CHD6: variants seen among roughly 807,000 people sequenced by gnomAD.
The protein encoded by CHD6 is chromodomain helicase DNA binding protein 6.
Under a neutral mutation model 276.9 loss-of-function variants are expected in CHD6, and 50 were observed. The ratio of observed to expected loss-of-function variants is 0.18; its 90% CI spans 0.14 to 0.23. The LOEUF is 0.23. Ranked by LOEUF, CHD6 falls within the 10% of genes least tolerant of loss-of-function variation. The pLI is 1.00. For synonymous variants in CHD6, 1,173 were observed against 1,229.3 expected (o/e 0.95, Z 0.96); for missense variants, 2,564 against 3,365.8 (o/e 0.76, Z 5.89).
intron 1 of CHD6, chr20:41,564,224 G>A (rs2045332020): frequency 3.4e-6 from 2 of 589,440 alleles, no homozygotes; most frequent in Non-Finnish European, 6.1e-6. Flanking sequence ...CATGTTTTGG[G>A]GCGCTAAAAA....
At chr20:41,548,798 A>T (rs951177612) in intron 2 of CHD6, among the ~76,000 whole-genome samples, 13 of 147,620 alleles carry the variant, frequency 8.8e-5, no homozygotes, top group African/African-American at 3.2e-4. Context: ...AATTTACAAG[A>T]AAAAAAAAAC....
intron 14 of CHD6, 83 bp downstream of exon 14, chr20:41,487,582 A>C: frequency 7.3e-7 from 1 of 1,366,244 alleles, no homozygotes; most frequent in Non-Finnish European, 1.0e-6. Flanking sequence ...AACTTGCTAA[A>C]TCCTGGCCCC....
chr20:41,585,148 A>AAT (rs2045580247), intron 1 of CHD6, among the ~76,000 whole-genome samples: 1 of 152,206 alleles, frequency 6.6e-6, no homozygotes, highest in South Asian at 2.1e-4. Flanking sequence ...TCTGTATATA[A>AAT]ATTTGAACTT....
At chr20:41,572,454 C>T (rs2045428241) in intron 1 of CHD6, among the ~76,000 whole-genome samples, 1 of 152,194 alleles carries the variant, frequency 6.6e-6, no homozygotes, top group African/African-American at 2.4e-5. Flanking sequence ...ACACAATAGC[C>T]TCCTGATGGC....
intron 26 of CHD6, among the ~76,000 whole-genome samples, chr20:41,437,813 T>C (rs1382879092): frequency 6.6e-6 from 1 of 152,150 alleles, no homozygotes; most frequent in Non-Finnish European, 1.5e-5. Context: ...TCTGAAGGCA[T>C]TCCAAGCCTT....
chr20:41,510,527 G>T (rs2044093647), intron 5 of CHD6, among the ~76,000 whole-genome samples: 1 of 152,108 alleles, frequency 6.6e-6, no homozygotes, highest in South Asian at 2.1e-4. Context: ...CTTAAATTTA[G>T]TAAATTTTTT....
chr20:41,580,984 C>T (rs1420404239), intron 1 of CHD6, among the ~76,000 whole-genome samples: 2 of 152,094 alleles, frequency 1.3e-5, no homozygotes, highest in East Asian at 3.9e-4. Context: ...ATATTCCAAG[C>T]AAAGGTGGTT....
intron 1 of CHD6, among the ~76,000 whole-genome samples, chr20:41,552,129 C>T (rs2146148923): frequency 6.6e-6 from 1 of 152,320 alleles, no homozygotes. Context: ...GGGCTGCCTG[C>T]ATCACTAACT....
Position 41,451,967 on chromosome 20 carries a change from T to C in CHD6, c.3382A>G (p.Lys1128Glu), listed in dbSNP as rs2048253231. ...HGRFKWHLNEKDMEMICRALL... is the reference protein window; with the variant it reads ...HGRFKWHLNEEDMEMICRALL... The stretch of plus-strand genomic sequence containing the variant: ...GCACGGCAAATCATCTCCATGTCCT[T>C]CTCGTTCAGATGCCACTTGAATCGG... The change falls in exon 22 of 37, where the codon AAG becomes GAG. Residue 1128 changes from lysine (K) to glutamate (E), a missense_variant. Physicochemically the swap from Lys to Glu is moderately conservative, Grantham distance 56. This residue lies in a region of CHD6 where 515 missense variants were observed against 739.5 expected (regional missense o/e 0.70). Transcript: ENST00000373233. The C allele has an allele frequency of 6.2e-7, 1 of 1,613,938 alleles. No homozygotes were observed. The highest frequency in any genetic ancestry group is 8.5e-7 in the Non-Finnish European group (1 of 1,179,988).
intron 25 of CHD6, among the ~76,000 whole-genome samples, chr20:41,444,458 C>T (rs778916360): frequency 6.6e-6 from 1 of 152,200 alleles, no homozygotes; most frequent in Non-Finnish European, 1.5e-5. Context: ...TTCTACCGGA[C>T]AGCACCGCTT....
At chr20:41,485,941 G>C (rs932929927) in intron 14 of CHD6, 1 of 151,386 alleles carries the variant, frequency 6.6e-6, no homozygotes, top group Middle Eastern at 3.2e-3. Context: ...ATATTTTGTC[G>C]ATTAAAAAAA....
At chr20:41,567,588 T>C (rs367710391) in intron 1 of CHD6, among the ~76,000 whole-genome samples, 2 of 151,900 alleles carry the variant, frequency 1.3e-5, no homozygotes, top group African/African-American at 4.8e-5. Context: ...CCATGGTGGC[T>C]TGTGGTTCAG....
At chr20:41,558,722 TCA>T (rs1332993852) in intron 1 of CHD6, among the ~76,000 whole-genome samples, 5 of 152,158 alleles carry the variant, frequency 3.3e-5, no homozygotes, top group Admixed American at 6.5e-5. Flanking sequence ...CTCCCCCTTC[TCA>T]GTCACCTCAG....
chr20:41,478,498 T>C (rs934536437), intron 16 of CHD6, among the ~76,000 whole-genome samples: 1 of 152,154 alleles, frequency 6.6e-6, no homozygotes, highest in Admixed American at 6.5e-5. Context: ...TGATCAGCTG[T>C]AATTGATAAA....
At chr20:41,504,159 T>C (rs2043916863) in intron 5 of CHD6, among the ~76,000 whole-genome samples, 1 of 151,284 alleles carries the variant, frequency 6.6e-6, no homozygotes, top group Non-Finnish European at 1.5e-5. Flanking sequence ...CTTATGCTTT[T>C]ACCTTTTGCT....
At chr20:41,617,366 G>A (rs1192678855) in intron 1 of CHD6, among the ~76,000 whole-genome samples, 1 of 152,130 alleles carries the variant, frequency 6.6e-6, no homozygotes, top group African/African-American at 2.4e-5. Context: ...CTGGAACTAG[G>A]AATACTTTAT....
Position 41,445,725 on chromosome 20 carries a change from G to A in CHD6, c.3817C>T (p.Pro1273Ser). The A allele has an allele frequency of 6.2e-7, 1 of 1,613,856 alleles. No individual in the cohort carries two copies. The highest frequency in any genetic ancestry group is 1.7e-5 in the Admixed American group (1 of 60,022). The change falls in exon 25 of 37, where the codon CCA becomes TCA. Residue 1273 changes from proline to serine, a missense_variant. Transcript: ENST00000373233. Reference sequence around the variant, plus strand: ...GCTTCAGCATCCCACCAGTCCACTGGGATCTCCATGTAGTCGATGTCAGGC... The same window carrying A: ...GCTTCAGCATCCCACCAGTCCACTGAGATCTCCATGTAGTCGATGTCAGGC... ...PLPDIDYMEI[P>S]VDWWDAEADK... is the part of the protein sequence containing the mutation.
chr20:41,487,433 T>G (rs542916038), intron 14 of CHD6, among the ~76,000 whole-genome samples: 1 of 152,170 alleles, frequency 6.6e-6, no homozygotes, highest in Non-Finnish European at 1.5e-5. Flanking sequence ...ATAAAATATT[T>G]TGGGCGCATA....
At position 41,614,420 on chromosome 20, in the gene CHD6, G is replaced by T. The variant is rs181358924; in HGVS notation, c.-24+3920C>A. Among the ~76,000 whole-genome samples, 83 of 152,002 alleles carry T rather than the reference G, an allele frequency of 5.5e-4. No individual in the cohort carries two copies. The East Asian group carries it at 0.013, about 23-fold the overall frequency. On this transcript the variant is annotated intron_variant, in intron 1 of 36. Coordinates refer to ENST00000373233, the MANE Select transcript of CHD6 (RefSeq NM_032221.5). ...CTTCATTATGACTATAAAGAAAAAA[G>T]GTTCATCAATTCAAAAAAAAATCCT...
Sources: gnomAD v4.1 joint callset for allele counts (sites outside exome capture counted in the v4.1 genomes callset) on GRCh38, gnomAD v4.1.1 for gene constraint, gnomAD v4.1.1 regional missense constraint, MANE v1.5 for transcripts, NCBI Gene and HGNC (gene_info 2026-07-23, HGNC 2026-07-21) for gene names.